The following ECT2 variants were observed in gnomAD, a reference collection of about 807,000 sequenced individuals.
ECT2 encodes protein ECT2.
In ECT2, 61 loss-of-function variants were observed where a neutral mutation model predicts 116.9. The observed-to-expected ratio is 0.52, with a 90% CI of 0.42 to 0.65. The LOEUF is 0.65. Among genes scored for constraint, ECT2 ranks in the 30% least tolerant of loss-of-function variants. ECT2 has a pLI of 0.00. For synonymous variants in ECT2, 358 were observed against 346.4 expected, an observed-to-expected ratio of 1.03 and a Z score of -0.37; for missense variants, 937 against 1,078.7, an observed-to-expected ratio of 0.87 and a Z score of 1.84.
chr3:172,802,975 C>T lies in ECT2; in HGVS notation c.2101C>T (p.Leu701=), dbSNP rs958709897. The T allele has an allele frequency of 1.2e-6, 2 of 1,610,230 alleles. No homozygotes were observed. Among genetic ancestry groups the T allele is most frequent in the Non-Finnish European group, 1.7e-6 (2 of 1,178,622 alleles). The change falls in exon 20 of 25, where the codon CTA becomes TTA. Residue 701 remains leucine, a synonymous_variant. Transcript: ENST00000392692. ...QVTLFLFNDC[L]EIARKRHKVI... is the part of the protein sequence containing the mutation. ...AACTCTCTTCCTCTTCAATGATTGC[C>T]TAGAGGTAAAGATGTACTTCACATA...
chr3:172,794,522 A>C (rs1426328773), intron 18 of ECT2, among the ~76,000 whole-genome samples: 1 of 152,156 alleles, frequency 6.6e-6, no homozygotes, highest in East Asian at 1.9e-4. Flanking sequence ...GAAATTGGGA[A>C]GTATGTGTCT....
intron 21 of ECT2, among the ~76,000 whole-genome samples, chr3:172,807,430 T>C (rs1727982695): frequency 6.6e-6 from 1 of 152,220 alleles, no homozygotes; most frequent in Admixed American, 6.5e-5. Context: ...TGGCAGACTT[T>C]GTTTAAAATA....
At chr3:172,816,581 A>G in intron 23 of ECT2, 110 bp from the exon 24 acceptor site, 1 of 824,996 alleles carries the variant, frequency 1.2e-6, no homozygotes. Context: ...ATCCTGCCAC[A>G]TAGTACAGTA....
At position 172,758,964 on chromosome 3, in the gene ECT2, T is replaced by C; in HGVS notation, c.487-16T>C. On this transcript the variant is annotated splice_polypyrimidine_tract_variant and intron_variant, in intron 5 of 24. Transcript: ENST00000392692. ...CTAAAGAGAAAGCTCACATTTAAAA[T>C]TGTTGTATCCTTCAGCCTTTGCCAT... is the stretch of plus-strand genomic sequence containing the variant. The C allele has an allele frequency of 6.3e-7, 1 of 1,587,784 alleles. No homozygotes were observed.
chr3:172,764,166 AATT>A lies in ECT2; in HGVS notation c.1069-108_1069-106del, dbSNP rs1174691510. On this transcript the variant is annotated intron_variant, in intron 11 of 24. Coordinates refer to ENST00000392692, the MANE Select transcript of ECT2 (RefSeq NM_001258315.2). ...TGCCTGGTAGAGTGTAGGGTTATAA[AATT>A]ATTGTGCAAAATCCAGATTCTGTCA... is the stretch of plus-strand genomic sequence containing the variant. 4 of 941,458 alleles carry A rather than the reference AATT, an allele frequency of 4.2e-6. No homozygotes were observed. In the African/African-American group the frequency reaches 6.6e-5, roughly 16 times the overall value. 58.3% of individuals were successfully genotyped at this position (941,458 alleles called of 1,614,324 possible).
At chr3:172,806,785 C>T (rs549232769) in intron 21 of ECT2, among the ~76,000 whole-genome samples, 34 of 150,982 alleles carry the variant, frequency 2.3e-4, no homozygotes, top group South Asian at 4.2e-4. Flanking sequence ...GGATTACAGG[C>T]GTGTGTTGTC....
At position 172,784,715 on chromosome 3, in the gene ECT2, A is replaced by G; in HGVS notation, c.1737A>G (p.Gln579=). ...PRFHAFLKIN[Q]AKPECGRQSL... is the part of the protein sequence containing the mutation. ...GAATAAATTGTTTTCAGATAAACCA[A>G]GCAAAACCAGAATGTGGACGGCAGA... The change falls in exon 17 of 25, where the codon CAA becomes CAG. Residue 579 remains glutamine, a synonymous_variant. Coordinates refer to ENST00000392692, the MANE Select transcript of ECT2 (RefSeq NM_001258315.2). 1 of 1,613,440 alleles carries G rather than the reference A, an allele frequency of 6.2e-7. No individual in the cohort carries two copies. Among genetic ancestry groups the G allele is most frequent in the Non-Finnish European group, 8.5e-7 (1 of 1,179,424 alleles).
intron 11 of ECT2, among the ~76,000 whole-genome samples, chr3:172,763,962 G>A (rs1314891823): frequency 2.0e-5 from 3 of 152,204 alleles, no homozygotes; most frequent in Non-Finnish European, 2.9e-5. Context: ...GGGATACAGC[G>A]AACAGACTGT....
intron 18 of ECT2, among the ~76,000 whole-genome samples, chr3:172,789,968 G>A (rs1001086994): frequency 5.9e-5 from 9 of 151,948 alleles, no homozygotes; most frequent in Non-Finnish European, 1.0e-4. Flanking sequence ...AACTATTAAT[G>A]TCGATGTTTT....
chr3:172,787,524 A>G (rs779984770), intron 18 of ECT2, among the ~76,000 whole-genome samples: 1 of 152,122 alleles, frequency 6.6e-6, no homozygotes, highest in Non-Finnish European at 1.5e-5. Context: ...CCAAGTGTAT[A>G]TACTTTTTTG....
intron 18 of ECT2, among the ~76,000 whole-genome samples, chr3:172,790,487 G>A (rs1002157008): frequency 1.3e-5 from 2 of 152,178 alleles, no homozygotes; most frequent in Non-Finnish European, 2.9e-5. Flanking sequence ...TGTTATGGCT[G>A]TCCACTGCAG....
rs542092823 is a variant in ECT2, at chr3:172,800,661, T to C, written c.1908-1955T>C. 2.3e-4 allele frequency among the ~76,000 whole-genome samples: 35 copies of C among 152,326 alleles called. No homozygotes were observed. In the South Asian group the frequency reaches 5.4e-3, roughly 23 times the overall value. ...TGTAGTGTTTACTCTGATGTTATTC[T>C]CATCCAGTGTATTTTTCATATAAAA... On this transcript the variant is annotated intron_variant, in intron 18 of 24. Coordinates refer to ENST00000392692, the MANE Select transcript of ECT2 (RefSeq NM_001258315.2).
chr3:172,758,914 T>A, intron 5 of ECT2, 66 bp from the exon 6 acceptor site: 1 of 1,309,990 alleles, frequency 7.6e-7, no homozygotes, highest in East Asian at 2.4e-5. Flanking sequence ...ATATTTAGCT[T>A]GAGAAAGTTG....
chr3:172,764,890 G>A (rs1176665490), intron 12 of ECT2, among the ~76,000 whole-genome samples: 2 of 152,176 alleles, frequency 1.3e-5, no homozygotes, highest in Non-Finnish European at 2.9e-5. Context: ...TGAAGTCAGA[G>A]GAGGGTGAGT....
chr3:172,818,887 CA>C (rs1730251772), intron 24 of ECT2: 1 of 1,121,776 alleles, frequency 8.9e-7, no homozygotes, highest in East Asian at 6.4e-5. Context: ...TCCAAGGAAT[CA>C]CTTATTTGGT....
chr3:172,817,652 T>G (rs1051518444), intron 24 of ECT2, among the ~76,000 whole-genome samples: 1 of 152,122 alleles, frequency 6.6e-6, no homozygotes, highest in Non-Finnish European at 1.5e-5. Flanking sequence ...AATCCAAATT[T>G]CCAACAGTTT....
intron 7 of ECT2, among the ~76,000 whole-genome samples, chr3:172,760,606 A>G (rs970388384): frequency 7.9e-5 from 12 of 151,678 alleles, no homozygotes; most frequent in Non-Finnish European, 1.5e-4. Context: ...TAAGTAGGCA[A>G]TGGAACTTGA....
chr3:172,768,183 G>A (rs1719888152), intron 12 of ECT2, among the ~76,000 whole-genome samples: 1 of 152,128 alleles, frequency 6.6e-6, no homozygotes, highest in South Asian at 2.1e-4. Flanking sequence ...GCTTCTTTTT[G>A]ACATAAGTAT....
At chr3:172,761,510 G>C in intron 7 of ECT2, 100 bp from the exon 8 acceptor site, 1 of 721,138 alleles carries the variant, frequency 1.4e-6, no homozygotes, top group Non-Finnish European at 2.4e-6. Flanking sequence ...AAAGCAGATA[G>C]TGATCTAAAA....
Sources: allele counts gnomAD v4.1 joint callset (sites outside exome capture counted in the v4.1 genomes callset), GRCh38; gene constraint gnomAD v4.1.1; transcripts MANE v1.5; gene names NCBI Gene and HGNC (gene_info 2026-07-23, HGNC 2026-07-21).